HOXD3: variants seen among roughly 807,000 people sequenced by gnomAD.
HOXD3 encodes the protein homeobox protein Hox-D3.
A neutral mutation model predicts 32.8 loss-of-function variants in HOXD3; 13 were observed. That is an observed-to-expected ratio of 0.40 (90% confidence interval 0.26 to 0.63). The LOEUF is 0.63. Ranked by LOEUF, HOXD3 falls within the 20% of genes least tolerant of loss-of-function variation. The pLI, the probability that HOXD3 is intolerant of heterozygous loss-of-function variation, is 0.44. For synonymous variants in HOXD3, 241 were observed against 246.8 expected (o/e 0.98, Z 0.22); for missense variants, 504 against 577.1 (o/e 0.87, Z 1.30).
At chr2:176,158,433 C>A (rs1690696022) in intron 1 of HOXD3, among the ~76,000 whole-genome samples, 2 of 152,220 alleles carry the variant, frequency 1.3e-5, no homozygotes, top group African/African-American at 4.8e-5. Context: ...AGCGAGCATT[C>A]TTTTCTTCCA....
At position 176,171,780 on chromosome 2, in the gene HOXD3, C is replaced by T. The variant is rs1691193856; in HGVS notation, c.805C>T (p.Arg269Cys). ...CTCGCCGGCTAGCCAGTCCCCTGAGCGCAGCCCACCGCTCGGCGGCGCCGC... is the reference window on the plus strand; with the variant it reads ...CTCGCCGGCTAGCCAGTCCCCTGAGTGCAGCCCACCGCTCGGCGGCGCCGC... The part of the protein sequence containing the change: ...LHSPASQSPE[R>C]SPPLGGAAGH... The change falls in exon 4 of 4, where the codon CGC (arginine) becomes TGC (cysteine). Residue 269 changes from arginine (R) to cysteine (C), a missense_variant. Coordinates refer to ENST00000683222, the MANE Select transcript of HOXD3 (RefSeq NM_006898.5). 4.3e-6 allele frequency: 7 copies of T among 1,613,588 alleles called. No individual in the cohort carries two copies. Among genetic ancestry groups the T allele is most frequent in the Non-Finnish European group, 5.9e-6 (7 of 1,179,838 alleles).
chr2:176,152,958 GC>G, upstream of HOXD3: 2 of 1,611,604 alleles, frequency 1.2e-6, no homozygotes, highest in Non-Finnish European at 1.7e-6. The surrounding 1 kb of genome is among the most constrained non-coding windows in gnomAD (Gnocchi z 5.2). Context: ...GGGACCCTGG[GC>G]CCATCTCTCC....
chr2:176,169,131 G>A lies in HOXD3; in HGVS notation c.17G>A (p.Gly6Asp), dbSNP rs1691090706. ...TGGTAGTCAATGTTATTTGAGCAGG[G>A]TCAGCAGGCCCTGGAGCTTCCTGAG... is the stretch of plus-strand genomic sequence containing the variant. MLFEQ[G>D]QQALELPECT... The change falls in exon 3 of 4, where the codon GGT becomes GAT. Residue 6 changes from glycine to aspartate, a missense_variant. Gly to Asp is a moderately conservative substitution (Grantham distance 94). This residue lies in a region of HOXD3 where 181 missense variants were observed against 172.2 expected (regional missense o/e 1.05). Coordinates refer to ENST00000683222, the MANE Select transcript of HOXD3 (RefSeq NM_006898.5). 1.2e-6 allele frequency: 2 copies of A among 1,610,924 alleles called. No individual in the cohort carries two copies. Among genetic ancestry groups the A allele is most frequent in the Non-Finnish European group, 1.7e-6 (2 of 1,178,296 alleles).
rs766927340 is a variant in HOXD3, at chr2:176,169,494, C to T, written c.380C>T (p.Pro127Leu). 1 of 1,613,948 alleles carries T rather than the reference C, an allele frequency of 6.2e-7. No individual in the cohort carries two copies. The highest frequency in any genetic ancestry group is 2.2e-5 in the East Asian group (1 of 44,852). Residue 127 changes from proline (P) to leucine (L), a missense_variant, in exon 3 of 4, where the codon CCC becomes CTC. Physicochemically the swap from Pro to Leu is moderately conservative, Grantham distance 98. This residue lies in a region of HOXD3 where 181 missense variants were observed against 172.2 expected (regional missense o/e 1.05). Transcript: ENST00000683222. ...PQPPPPPPTLPPSSPTNPGGG... is the reference protein window; with the variant it reads ...PQPPPPPPTLLPSSPTNPGGG... Reference sequence around the variant, plus strand: ...CCCCCTCCTCCACCACCGACCCTGCCCCCATCTTCACCCACCAATCCTGGA... The same window carrying T: ...CCCCCTCCTCCACCACCGACCCTGCTCCCATCTTCACCCACCAATCCTGGA...
Position 176,169,271 on chromosome 2 carries a change from C to G in HOXD3, c.157C>G (p.Pro53Ala), listed in dbSNP as rs1447908652. 6.8e-6 allele frequency: 11 copies of G among 1,614,180 alleles called. No homozygotes were observed. Among genetic ancestry groups the G allele is most frequent in the Non-Finnish European group, 9.3e-6 (11 of 1,180,036 alleles). The change falls in exon 3 of 4, where the codon CCT becomes GCT. Residue 53 changes from proline (P) to alanine (A), a missense_variant. Physicochemically the swap from Pro to Ala is conservative, Grantham distance 27. This residue lies in a region of HOXD3 where 181 missense variants were observed against 172.2 expected (regional missense o/e 1.05). Transcript: ENST00000683222. The part of the protein sequence containing the change: ...YSTPHQPYPP[P>A]AAASSLDTDY... ...CACCCCCCACCAGCCCTACCCACCC[C>G]CTGCTGCTGCCAGCTCCCTGGACAC... is the stretch of plus-strand genomic sequence containing the variant.
At chr2:176,160,514 C>T (rs1400757291) in intron 1 of HOXD3, among the ~76,000 whole-genome samples, 1 of 152,236 alleles carries the variant, frequency 6.6e-6, no homozygotes, top group African/African-American at 2.4e-5. Flanking sequence ...CTCCTGCGCC[C>T]TTCCTTCCAG....
At chr2:176,154,747 C>T (rs1215095316), upstream of HOXD3, among the ~76,000 whole-genome samples, 1 of 152,160 alleles carries the variant, frequency 6.6e-6, no homozygotes, top group African/African-American at 2.4e-5. Context: ...GGGGACTGCT[C>T]TTTGTTTCTC....
In HOXD3 at chr2:176,169,281, C is replaced by CCAG. The variant is rs747687011; in HGVS notation, c.169_171dup (p.Ser58dup). The CCAG allele has an allele frequency of 6.2e-7, 1 of 1,614,112 alleles. No homozygotes were observed. Among genetic ancestry groups the CCAG allele is most frequent in the South Asian group, 1.1e-5 (1 of 91,070 alleles). ...CAGCCCTACCCACCCCCTGCTGCTG[C>CCAG]CAGCTCCCTGGACACTGACTATCCA... On this transcript the variant is annotated inframe_insertion, in exon 3 of 4. Transcript: ENST00000683222.
intron 1 of HOXD3, among the ~76,000 whole-genome samples, chr2:176,158,606 T>C (rs1410341027): frequency 6.6e-6 from 1 of 152,118 alleles, no homozygotes; most frequent in Non-Finnish European, 1.5e-5. Context: ...GTGTGTGTGT[T>C]TTCATTTATT....
chr2:176,163,690 GTC>G (rs1690879892), intron 1 of HOXD3, among the ~76,000 whole-genome samples: 1 of 152,054 alleles, frequency 6.6e-6, no homozygotes. Flanking sequence ...ATTCTGCACG[GTC>G]TCTCTCTTCT....
Position 176,172,804 on chromosome 2 carries a change from G to C in HOXD3, c.*530G>C, listed in dbSNP as rs1187422042. 6.5e-6 allele frequency: 1 copy of C among 153,560 alleles called. No individual in the cohort carries two copies. The highest frequency in any genetic ancestry group is 1.5e-5 in the Non-Finnish European group (1 of 68,836). The allele number at this position is 153,560 out of a possible 1,614,324, so 9.5% of individuals were successfully genotyped here. Reference sequence around the variant, plus strand: ...TGTATATTTGTAGATTTATCCAGCCGAGCTTAGGAATTCGCTTCCAGGCCG... The same window carrying C: ...TGTATATTTGTAGATTTATCCAGCCCAGCTTAGGAATTCGCTTCCAGGCCG... On this transcript the variant is annotated 3_prime_UTR_variant, in exon 4 of 4. Coordinates refer to ENST00000683222, the MANE Select transcript of HOXD3 (RefSeq NM_006898.5).
At chr2:176,164,191 A>G (rs917480434) in intron 2 of HOXD3, 23 bp downstream of exon 2, 1 of 152,242 alleles carries the variant, frequency 6.6e-6, no homozygotes, top group Non-Finnish European at 1.5e-5. Context: ...CATTTAAATA[A>G]TAATTTCCAG....
chr2:176,155,865 G>A (rs563894421), upstream of HOXD3, among the ~76,000 whole-genome samples: 1 of 152,278 alleles, frequency 6.6e-6, no homozygotes, highest in African/African-American at 2.4e-5. Context: ...TTGCTCCTCT[G>A]ACTCCCATCT....
chr2:176,159,335 C>A (rs1574977829), intron 1 of HOXD3, among the ~76,000 whole-genome samples: 1 of 152,304 alleles, frequency 6.6e-6, no homozygotes, highest in Admixed American at 6.5e-5. Flanking sequence ...GGCTCGTAGA[C>A]GGTTCTGGGG....
chr2:176,171,899 T>G lies in HOXD3; in HGVS notation c.924T>G (p.Asn308Lys). 1 of 1,608,404 alleles carries G rather than the reference T, an allele frequency of 6.2e-7. No homozygotes were observed. The highest frequency in any genetic ancestry group is 8.5e-7 in the Non-Finnish European group (1 of 1,177,958). The change falls in exon 4 of 4, where the codon AAT (asparagine) becomes AAG (lysine). Residue 308 changes from asparagine (N) to lysine (K), a missense_variant. Physicochemically the swap from Asn to Lys is moderately conservative, Grantham distance 94. This residue lies in a region of HOXD3 where 226 missense variants were observed against 246.9 expected (regional missense o/e 0.92). Transcript: ENST00000683222. The stretch of plus-strand genomic sequence containing the variant: ...CTGCTTTCGCCAAATCACAGCCCAA[T>G]ATGTACGGCCTGGCCGCCTACACGG... ...SPPAFAKSQP[N>K]MYGLAAYTAP...
intron 1 of HOXD3, among the ~76,000 whole-genome samples, chr2:176,158,715 G>T (rs1442609585): frequency 6.6e-6 from 1 of 152,156 alleles, no homozygotes; most frequent in African/African-American, 2.4e-5. Flanking sequence ...ATTATTCAAA[G>T]ATGACAAATG....
chr2:176,172,498 C>T lies in HOXD3; in HGVS notation c.*224C>T. ...CATAAATCAGCCGCAAGGATCCTTC[C>T]CTGTAAATTTGACAGTGCCACATAC... On this transcript the variant is annotated 3_prime_UTR_variant, in exon 4 of 4. Transcript: ENST00000683222. 2 of 568,248 alleles carry T rather than the reference C, an allele frequency of 3.5e-6. No individual in the cohort carries two copies. The highest frequency in any genetic ancestry group is 6.2e-6 in the Non-Finnish European group (2 of 322,760). 35.2% of individuals were successfully genotyped at this position (568,248 alleles called of 1,614,324 possible). A position where few individuals can be genotyped will look rare whatever the true frequency, so the allele number is the denominator to read the frequency against.
At chr2:176,171,376 T>C in intron 3 of HOXD3, 141 bp from the exon 4 acceptor site, 2 of 774,058 alleles carry the variant, frequency 2.6e-6, no homozygotes, top group Non-Finnish European at 4.0e-6. Context: ...ATCATACCTC[T>C]CAAACGGCCC....
intron 2 of HOXD3, chr2:176,164,688 C>T (rs917052244): frequency 6.6e-6 from 1 of 152,162 alleles, no homozygotes; most frequent in Non-Finnish European, 1.5e-5. Context: ...GGGGGAGGCG[C>T]CGAGACCAGC....
Sources: allele counts gnomAD v4.1 joint callset (sites outside exome capture counted in the v4.1 genomes callset), GRCh38; gene constraint gnomAD v4.1.1; regional missense constraint gnomAD v4.1.1; non-coding constraint Gnocchi (gnomAD v3.1); transcripts MANE v1.5; gene names NCBI Gene and HGNC (gene_info 2026-07-23, HGNC 2026-07-21).